The following BICC1 variants were observed in gnomAD, a reference collection of about 807,000 sequenced individuals.
BICC1 encodes the protein protein bicaudal C homolog 1.
BICC1 carries 43 observed loss-of-function variants against 111.0 expected under a neutral mutation model. The observed-to-expected ratio is 0.39, with a 90% CI of 0.30 to 0.50. BICC1 has a LOEUF of 0.50. Among genes scored for constraint, BICC1 ranks in the 20% least tolerant of loss-of-function variants. The pLI, the probability that BICC1 is intolerant of heterozygous loss-of-function variation, is 0.88. For missense variants in BICC1, 1,091 were observed against 1,203.2 expected, an observed-to-expected ratio of 0.91 and a Z score of 1.38; for synonymous variants, 467 against 434.4, an observed-to-expected ratio of 1.07 and a Z score of -0.93.
intron 3 of BICC1, among the ~76,000 whole-genome samples, chr10:58,704,871 A>G (rs1840344098): frequency 1.3e-5 from 2 of 152,212 alleles, no homozygotes; most frequent in Admixed American, 1.3e-4. Context: ...TTGAGCCTAG[A>G]CAAACATTTT....
chr10:58,817,126 A>G (rs753931004), intron 18 of BICC1, among the ~76,000 whole-genome samples: 33 of 152,106 alleles, frequency 2.2e-4, no homozygotes, highest in Non-Finnish European at 4.1e-4. Context: ...AAAGGAAAGC[A>G]CAGGTGTAGA....
intron 1 of BICC1, among the ~76,000 whole-genome samples, chr10:58,545,421 C>G (rs1485583211): frequency 6.6e-6 from 1 of 151,998 alleles, no homozygotes; most frequent in Non-Finnish European, 1.5e-5. Flanking sequence ...AAAGTGGATC[C>G]TACTTTACAT....
intron 2 of BICC1, among the ~76,000 whole-genome samples, chr10:58,685,825 C>A (rs1242726457): frequency 2.0e-5 from 3 of 152,136 alleles, no homozygotes; most frequent in African/African-American, 4.8e-5. Context: ...TCCAATTTGC[C>A]AGTCTGTGTC....
intron 1 of BICC1, among the ~76,000 whole-genome samples, chr10:58,519,773 A>G (rs1369994773): frequency 6.6e-6 from 1 of 152,154 alleles, no homozygotes; most frequent in African/African-American, 2.4e-5. Flanking sequence ...TACTCCTTTT[A>G]TGAACAGAAT....
In BICC1 at chr10:58,796,520, G is replaced by A. The variant is rs1414106699; in HGVS notation, c.1360G>A (p.Gly454Arg). ...AGCTTCAGCAGGCCTTGGACTCACT[G>A]GACTAGGTATACAATTTATTATTAC... is the stretch of plus-strand genomic sequence containing the variant. ...ILASAGLGLT[G>R]LGLLGPTTLS... Residue 454 changes from glycine (G) to arginine (R), a missense_variant, in exon 10 of 21, where the codon GGA (glycine) becomes AGA (arginine). Physicochemically the swap from Gly to Arg is moderately radical, Grantham distance 125 (BLOSUM62 -2). Coordinates refer to ENST00000373886, the MANE Select transcript of BICC1 (RefSeq NM_001080512.3). 6.2e-7 allele frequency: 1 copy of A among 1,611,726 alleles called. No homozygotes were observed. Among genetic ancestry groups the A allele is most frequent in the Non-Finnish European group, 8.5e-7 (1 of 1,179,158 alleles).
At chr10:58,686,296 C>T (rs929389363) in intron 2 of BICC1, among the ~76,000 whole-genome samples, 1 of 152,158 alleles carries the variant, frequency 6.6e-6, no homozygotes, top group Admixed American at 6.6e-5. Flanking sequence ...CTGCCCTTAA[C>T]ATTTTTTCCT....
Position 58,621,362 on chromosome 10 carries a change from CT to C in BICC1, c.237+462del, listed in dbSNP as rs1845800181. On this transcript the variant is annotated intron_variant, in intron 2 of 20. Transcript: ENST00000373886. ...CAGACTGCTAGTTTTCCATCCTTTG[CT>C]AAATTTATAGGCTCAGGCTGATGCA... is the stretch of plus-strand genomic sequence containing the variant. Among the ~76,000 whole-genome samples the C allele has an allele frequency of 2.0e-5, 3 of 152,318 alleles. No homozygotes were observed. In the South Asian group the frequency reaches 6.2e-4, roughly 32 times the overall value.
At chr10:58,739,449 A>G (rs1841582427) in intron 3 of BICC1, among the ~76,000 whole-genome samples, 1 of 152,146 alleles carries the variant, frequency 6.6e-6, no homozygotes, top group Non-Finnish European at 1.5e-5. Context: ...ATCATGGTGG[A>G]TAAGCTTTTT....
intron 3 of BICC1, chr10:58,715,616 T>C (rs1840715989): frequency 1.2e-6 from 2 of 1,605,146 alleles, no homozygotes; most frequent in South Asian, 2.2e-5. Context: ...GATCAAGGGG[T>C]CCAATCCAGT....
intron 3 of BICC1, among the ~76,000 whole-genome samples, chr10:58,764,896 G>T (rs192940272): frequency 6.6e-6 from 1 of 152,174 alleles, no homozygotes; most frequent in African/African-American, 2.4e-5. Context: ...TACTAATCTG[G>T]AATAATCAAG....
rs537250336 is a variant in BICC1, at chr10:58,540,820, C to T, written c.190+27487C>T. ...GCAAAAATCCTCAACAAAATTTTAGCAAACTGAATTCAACACCACATTGAA... is the reference window on the plus strand; with the variant it reads ...GCAAAAATCCTCAACAAAATTTTAGTAAACTGAATTCAACACCACATTGAA... On this transcript the variant is annotated intron_variant, in intron 1 of 20. Transcript: ENST00000373886. 7.9e-5 allele frequency among the ~76,000 whole-genome samples: 12 copies of T among 152,140 alleles called. No homozygotes were observed. In the South Asian group the frequency reaches 2.5e-3, roughly 32 times the overall value.
chr10:58,791,714 T>G (rs765761124), intron 8 of BICC1, among the ~76,000 whole-genome samples: 1 of 152,096 alleles, frequency 6.6e-6, no homozygotes, highest in Non-Finnish European at 1.5e-5. Context: ...CACTCCAGCC[T>G]GGGTGACAGA....
chr10:58,589,205 C>A (rs1408663932), intron 1 of BICC1, among the ~76,000 whole-genome samples: 3 of 152,126 alleles, frequency 2.0e-5, no homozygotes, highest in Non-Finnish European at 4.4e-5. Context: ...TCCCTCTTTG[C>A]TCTTTTGCAT....
At chr10:58,747,414 G>A (rs927921584) in intron 3 of BICC1, among the ~76,000 whole-genome samples, 1 of 152,116 alleles carries the variant, frequency 6.6e-6, no homozygotes, top group Non-Finnish European at 1.5e-5. Flanking sequence ...TGATGTAAGA[G>A]ATAAGTATGC....
At chr10:58,767,788 A>G (rs548366257) in intron 3 of BICC1, among the ~76,000 whole-genome samples, 250 of 152,158 alleles carry the variant, frequency 1.6e-3, no homozygotes, top group Admixed American at 4.8e-3. Context: ...AATAGAACCA[A>G]ACAACTTCTG....
At chr10:58,673,559 C>G (rs1319821477) in intron 2 of BICC1, among the ~76,000 whole-genome samples, 1 of 152,172 alleles carries the variant, frequency 6.6e-6, no homozygotes, top group East Asian at 1.9e-4. Context: ...GGAGCACAAG[C>G]TTTTATGATT....
At chr10:58,605,801 A>T (rs1845190987) in intron 1 of BICC1, among the ~76,000 whole-genome samples, 1 of 152,250 alleles carries the variant, frequency 6.6e-6, no homozygotes, top group Admixed American at 6.5e-5. Flanking sequence ...GAATTCACAG[A>T]CATGGAACCC....
chr10:58,756,727 G>A (rs1009176678), intron 3 of BICC1, among the ~76,000 whole-genome samples: 4 of 150,162 alleles, frequency 2.7e-5, no homozygotes, highest in Admixed American at 1.3e-4. Context: ...GTGAGGAAGC[G>A]TAGCAGTTTA....
At chr10:58,613,682 A>C (rs1212347043) in intron 1 of BICC1, among the ~76,000 whole-genome samples, 2 of 152,170 alleles carry the variant, frequency 1.3e-5, no homozygotes, top group Non-Finnish European at 2.9e-5. Flanking sequence ...TTTTTAGTGC[A>C]TTGTCTAGAA....
Sources: gnomAD v4.1 joint callset for allele counts (sites outside exome capture counted in the v4.1 genomes callset) on GRCh38, gnomAD v4.1.1 for gene constraint, MANE v1.5 for transcripts, NCBI Gene and HGNC (gene_info 2026-07-23, HGNC 2026-07-21) for gene names.